TMPRSS9: variants seen among roughly 807,000 people sequenced by gnomAD.
TMPRSS9 encodes the protein transmembrane protease serine 9.
In TMPRSS9, 113 loss-of-function variants were observed where a neutral mutation model predicts 111.4. The ratio of observed to expected loss-of-function variants is 1.01; its 90% CI spans 0.87 to 1.19. TMPRSS9 has a LOEUF of 1.19. Among genes scored for constraint, TMPRSS9 ranks in the 50% most tolerant of loss-of-function variants. TMPRSS9 has a pLI of 0.00. For missense variants in TMPRSS9, 1,803 were observed against 1,513.1 expected (o/e 1.19, Z -3.18); for synonymous variants, 805 against 659.1 (o/e 1.22, Z -3.39).
At chr19:2,403,694 T>TA (rs764503344) in intron 6 of TMPRSS9, among the ~76,000 whole-genome samples, 8,541 of 119,144 alleles carry the variant, frequency 0.072, 237 homozygotes, top group East Asian at 0.11. Flanking sequence ...CCATCTCTAC[T>TA]AAAAAAAAAA....
At chr19:2,372,915 T>G (rs1970301333) in intron 1 of TMPRSS9, among the ~76,000 whole-genome samples, 1 of 152,166 alleles carries the variant, frequency 6.6e-6, no homozygotes, top group South Asian at 2.1e-4. Context: ...CACTTCAGCC[T>G]TGACCTCGTG....
chr19:2,403,000 T>G, intron 5 of TMPRSS9, 82 bp from the exon 7 acceptor site: 1 of 925,090 alleles, frequency 1.1e-6, no homozygotes, highest in Non-Finnish European at 1.7e-6. Context: ...CGTACCCTGG[T>G]GGTACTAAGT....
chr19:2,368,780 T>TTG (rs1680997381), intron 1 of TMPRSS9, among the ~76,000 whole-genome samples: 1 of 103,958 alleles, frequency 9.6e-6, no homozygotes, highest in South Asian at 2.8e-4. Context: ...CCCAGTTTTT[T>TTG]TTTTTTTTTT....
chr19:2,395,756 T>C (rs991310490), intron 1 of TMPRSS9, among the ~76,000 whole-genome samples: 3 of 151,956 alleles, frequency 2.0e-5, no homozygotes, highest in East Asian at 1.9e-4. Flanking sequence ...GCCTGTAATC[T>C]GAGCACTTTG....
chr19:2,421,420 G>A (rs906992934), intron 13 of TMPRSS9, among the ~76,000 whole-genome samples: 4 of 151,196 alleles, frequency 2.6e-5, no homozygotes, highest in African/African-American at 7.3e-5. Flanking sequence ...TCCCTAGTAG[G>A]TGGAACTACA....
intron 1 of TMPRSS9, among the ~76,000 whole-genome samples, chr19:2,395,910 A>T (rs931767448): frequency 6.6e-6 from 1 of 151,402 alleles, no homozygotes; most frequent in Non-Finnish European, 1.5e-5. Flanking sequence ...CGGGAGGCTG[A>T]GGCAGGAGAA....
chr19:2,422,498 A>G (rs1010328425), intron 14 of TMPRSS9, among the ~76,000 whole-genome samples: 2 of 152,064 alleles, frequency 1.3e-5, no homozygotes, highest in Non-Finnish European at 2.9e-5. Flanking sequence ...GGAGAATGGC[A>G]TGAAGCCGGG....
chr19:2,360,837 G>T (rs968449900), intron 1 of TMPRSS9, among the ~76,000 whole-genome samples: 1 of 150,834 alleles, frequency 6.6e-6, no homozygotes, highest in African/African-American at 2.5e-5. Flanking sequence ...TGTATCTAGC[G>T]TGTGTAGATG....
intron 10 of TMPRSS9, 78 bp downstream of exon 11, chr19:2,414,096 C>T: frequency 8.6e-6 from 12 of 1,399,468 alleles, no homozygotes; most frequent in Non-Finnish European, 1.1e-5. Context: ...GTCATAGTAT[C>T]TTCATAATTT....
intron 1 of TMPRSS9, among the ~76,000 whole-genome samples, chr19:2,374,572 C>CA (rs1022506707): frequency 1.3e-5 from 2 of 150,990 alleles, no homozygotes; most frequent in Admixed American, 6.6e-5. Flanking sequence ...GACTCCGTCT[C>CA]AAAAAAAGAA....
upstream of TMPRSS9, among the ~76,000 whole-genome samples, chr19:2,387,202 T>C (rs1472064114): frequency 6.8e-6 from 1 of 147,656 alleles, no homozygotes; most frequent in Non-Finnish European, 1.5e-5. Context: ...TACAAAAAAA[T>C]AGAAAAGTGA....
upstream of TMPRSS9, among the ~76,000 whole-genome samples, chr19:2,386,710 C>G (rs992950867): frequency 3.9e-5 from 6 of 152,074 alleles, no homozygotes; most frequent in Non-Finnish European, 7.4e-5. Context: ...ATATTTACTG[C>G]TGCCAGCACA....
At chr19:2,416,331 A>C in intron 11 of TMPRSS9, 1 of 644,486 alleles carries the variant, frequency 1.6e-6, no homozygotes, top group South Asian at 2.3e-5. Flanking sequence ...GACTTGTCCG[A>C]GGTCCCCCAG....
chr19:2,382,812 T>TAC (rs2030043450), intron 1 of TMPRSS9, among the ~76,000 whole-genome samples: 1 of 152,006 alleles, frequency 6.6e-6, no homozygotes, highest in Non-Finnish European at 1.5e-5. Flanking sequence ...CTCACACATG[T>TAC]ACACACACAC....
intron 13 of TMPRSS9, among the ~76,000 whole-genome samples, chr19:2,419,369 A>T (rs1401674191): frequency 6.7e-6 from 1 of 149,146 alleles, no homozygotes; most frequent in African/African-American, 2.5e-5. Flanking sequence ...ATGCCCAGCT[A>T]ATTTTTGTAT....
intron 1 of TMPRSS9, among the ~76,000 whole-genome samples, chr19:2,394,201 CAAGAA>C (rs1162480160): frequency 2.0e-5 from 3 of 151,674 alleles, no homozygotes; most frequent in Non-Finnish European, 2.9e-5. Flanking sequence ...GAGACTGTGT[CAAGAA>C]AAGAGAAGGA....
chr19:2,385,874 A>G (rs941823783), upstream of TMPRSS9, among the ~76,000 whole-genome samples: 1 of 152,006 alleles, frequency 6.6e-6, no homozygotes, highest in African/African-American at 2.4e-5. Flanking sequence ...AAGATTACGT[A>G]TCTATTCCAG....
chr19:2,396,990 G>A (rs1239320534), intron 2 of TMPRSS9, among the ~76,000 whole-genome samples: 1 of 151,460 alleles, frequency 6.6e-6, no homozygotes, highest in Non-Finnish European at 1.5e-5. Context: ...GAATGATCTC[G>A]GCTCACTGCA....
chr19:2,374,774 G>C (rs770708588), intron 1 of TMPRSS9, among the ~76,000 whole-genome samples: 5 of 152,116 alleles, frequency 3.3e-5, no homozygotes, highest in Admixed American at 6.6e-5. Flanking sequence ...CCTTGGTGAG[G>C]TGGGCGCCGA....
Sources: gnomAD v4.1 joint callset for allele counts (sites outside exome capture counted in the v4.1 genomes callset) on GRCh38, gnomAD v4.1.1 for gene constraint, MANE v1.5 for transcripts, NCBI Gene and HGNC (gene_info 2026-07-23, HGNC 2026-07-21) for gene names.